PCDHGB3: variants seen among roughly 807,000 people sequenced by gnomAD.
PCDHGB3 encodes protocadherin gamma subfamily B, 3, also known as protocadherin gamma-B3.
PCDHGB3 carries 40 observed loss-of-function variants against 59.2 expected under a neutral mutation model. The ratio of observed to expected loss-of-function variants is 0.68; its 90% CI spans 0.52 to 0.88. The LOEUF is 0.88. Ranked by LOEUF, PCDHGB3 falls within the 40% of genes least tolerant of loss-of-function variation. The pLI is 0.00. For missense variants in PCDHGB3, 1,309 were observed against 1,187.9 expected, an observed-to-expected ratio of 1.10 and a Z score of -1.50; for synonymous variants, 581 against 503.6, an observed-to-expected ratio of 1.15 and a Z score of -2.06.
intron 1 of PCDHGB3, chr5:141,419,517 G>A: frequency 6.2e-7 from 1 of 1,612,224 alleles, no homozygotes; most frequent in South Asian, 1.1e-5. Context: ...GTGTTGGTGG[G>A]CGACCGTAAC....
chr5:141,406,096 G>A (rs966441415), intron 1 of PCDHGB3, among the ~76,000 whole-genome samples: 1 of 150,800 alleles, frequency 6.6e-6, no homozygotes, highest in Non-Finnish European at 1.5e-5. Context: ...TTAAGAGATG[G>A]GGGTGTCATT....
chr5:141,405,089 G>T, intron 1 of PCDHGB3: 2 of 1,613,878 alleles, frequency 1.2e-6, no homozygotes, highest in South Asian at 2.2e-5. Context: ...CACGCTGCTG[G>T]CCCTCAGGCT....
intron 1 of PCDHGB3, chr5:141,420,079 C>T (rs1362049053): frequency 6.2e-7 from 1 of 1,613,998 alleles, no homozygotes; most frequent in Non-Finnish European, 8.5e-7. Flanking sequence ...CTGTGGGTCC[C>T]CCCAACTACA....
chr5:141,423,809 G>C, intron 1 of PCDHGB3: 1 of 1,260,030 alleles, frequency 7.9e-7, no homozygotes, highest in Non-Finnish European at 1.0e-6. Context: ...ATACATGTGA[G>C]TTTTACTTTG....
rs2098680935 is a variant in PCDHGB3, at chr5:141,450,471, G to A, written c.2416-44336G>A. 2.0e-5 allele frequency among the ~76,000 whole-genome samples: 3 copies of A among 147,910 alleles called. No homozygotes were observed. In the South Asian group the frequency reaches 6.2e-4, roughly 31 times the overall value. ...GTTTCCTCGTGATTTTATATATAGA[G>A]TTTGTTTGTTTGTTTGTCTGTTTGT... On this transcript the variant is annotated intron_variant, in intron 1 of 3. Transcript: ENST00000576222.
chr5:141,503,268 C>A (rs1038268807), intron 2 of PCDHGB3, among the ~76,000 whole-genome samples: 6 of 152,068 alleles, frequency 3.9e-5, no homozygotes, highest in African/African-American at 7.2e-5. Context: ...AACCCCAGCA[C>A]CTGGCTCTGT....
chr5:141,403,120 C>T, intron 1 of PCDHGB3: 2 of 1,614,050 alleles, frequency 1.2e-6, no homozygotes, highest in Non-Finnish European at 1.7e-6. Flanking sequence ...CTCTGGAGCC[C>T]CGGGAGCTGG....
At chr5:141,418,802 T>C in intron 1 of PCDHGB3, 1 of 1,613,862 alleles carries the variant, frequency 6.2e-7, no homozygotes, top group Non-Finnish European at 8.5e-7. Flanking sequence ...AGTAGAAAGA[T>C]ATACGATAAA....
chr5:141,427,703 C>A (rs529490424), intron 1 of PCDHGB3: 2 of 957,514 alleles, frequency 2.1e-6, no homozygotes, highest in African/African-American at 1.6e-5. Flanking sequence ...CACAAGTCAG[C>A]GCCTCTGACC....
In PCDHGB3 at chr5:141,485,822, G is replaced by A. The variant is rs750883983; in HGVS notation, c.2416-8985G>A. 6.2e-7 allele frequency: 1 copy of A among 1,614,192 alleles called. No individual in the cohort carries two copies. The highest frequency in any genetic ancestry group is 1.1e-5 in the South Asian group (1 of 91,080). ...CCGCCTGGTGCTGACTGCTGTCGAT[G>A]GAGGGAACCCGCCGAGATCTGGCAC... On this transcript the variant is annotated intron_variant, in intron 1 of 3. Transcript: ENST00000576222. This position sits in a 1 kb window ranked among gnomAD's most constrained non-coding sequence, Gnocchi z 5.7.
chr5:141,455,495 G>C (rs2098824459), intron 1 of PCDHGB3, among the ~76,000 whole-genome samples: 1 of 152,204 alleles, frequency 6.6e-6, no homozygotes, highest in East Asian at 1.9e-4. Flanking sequence ...GGTGATGTCT[G>C]ATTTGCATAG....
At chr5:141,464,861 C>G (rs1178430383) in intron 1 of PCDHGB3, among the ~76,000 whole-genome samples, 1 of 152,134 alleles carries the variant, frequency 6.6e-6, no homozygotes, top group Non-Finnish European at 1.5e-5. Flanking sequence ...ACCTTAGCCT[C>G]CCAAGTAGCT....
chr5:141,427,229 G>A (rs1377470019), intron 1 of PCDHGB3: 3 of 456,628 alleles, frequency 6.6e-6, no homozygotes, highest in Non-Finnish European at 1.3e-5. Context: ...GTTATACCAT[G>A]AGAGTAGAAG....
At chr5:141,403,317 A>G (rs576274199) in intron 1 of PCDHGB3, 2 of 1,613,974 alleles carry the variant, frequency 1.2e-6, no homozygotes, top group South Asian at 2.2e-5. Flanking sequence ...ATAGAAATAG[A>G]AGTAACTGAT....
intron 1 of PCDHGB3, chr5:141,478,134 C>A (rs2099431418): frequency 6.2e-7 from 1 of 1,614,074 alleles, no homozygotes; most frequent in African/African-American, 1.3e-5. Flanking sequence ...TCTCCTGAAG[C>A]CCGAGCCGAG....
intron 1 of PCDHGB3, among the ~76,000 whole-genome samples, chr5:141,429,654 T>C (rs1373502548): frequency 6.6e-6 from 1 of 152,232 alleles, no homozygotes; most frequent in Non-Finnish European, 1.5e-5. Context: ...TTCTTCCCAA[T>C]TTAAAATATA....
intron 1 of PCDHGB3, among the ~76,000 whole-genome samples, chr5:141,470,737 G>A (rs117064561): frequency 6.6e-6 from 1 of 152,016 alleles, no homozygotes; most frequent in African/African-American, 2.4e-5. Flanking sequence ...TTGCTCTGTC[G>A]CCCTGGCTGG....
intron 1 of PCDHGB3, chr5:141,428,501 C>A (rs970043746): frequency 8.4e-5 from 24 of 285,544 alleles, no homozygotes; most frequent in African/African-American, 3.9e-4. Context: ...TATGTTCCCT[C>A]GGATTCTAGA....
chr5:141,427,528 A>G (rs1360860476), intron 1 of PCDHGB3: 1 of 617,748 alleles, frequency 1.6e-6, no homozygotes, highest in Non-Finnish European at 3.0e-6. Context: ...CGGATCCCGG[A>G]GTACAACGTC....
Sources: gnomAD v4.1 joint callset for allele counts (sites outside exome capture counted in the v4.1 genomes callset) on GRCh38, gnomAD v4.1.1 for gene constraint, Gnocchi (gnomAD v3.1) non-coding constraint, MANE v1.5 for transcripts, NCBI Gene and HGNC (gene_info 2026-07-23, HGNC 2026-07-21) for gene names.